The following CELF2 variants were observed in gnomAD, a reference collection of about 807,000 sequenced individuals.
The protein encoded by CELF2 is CUG triplet repeat RNA-binding protein 2.
In CELF2, 8 loss-of-function variants were observed where a neutral mutation model predicts 62.6. That is an observed-to-expected ratio of 0.13 (90% CI 0.07 to 0.23). The LOEUF (loss-of-function observed/expected upper bound fraction) is 0.23. CELF2 is among the 10% of genes least tolerant of loss of function. CELF2 has a pLI of 1.00. For synonymous variants in CELF2, 258 were observed against 250.0 expected, an observed-to-expected ratio of 1.03 and a Z score of -0.30; for missense variants, 333 against 671.0, an observed-to-expected ratio of 0.50 and a Z score of 5.56.
rs1200262195 is a variant in CELF2 at position 11,220,378 on chromosome 10, G to A, written c.354+2871G>A. Among the ~76,000 whole-genome samples the A allele has an allele frequency of 6.6e-6, 1 of 152,176 alleles. No individual in the cohort carries two copies. The highest frequency in any genetic ancestry group is 1.9e-4 in the East Asian group (1 of 5,196). On this transcript the variant is annotated intron_variant, in intron 3 of 12. Transcript: ENST00000633077. This position sits in a 1 kb window ranked among gnomAD's most constrained non-coding sequence, Gnocchi z 4.4. ...TTTCTTGAGGGACACAAAGAACTTGGTTAGTTAGGAAGCAGAAACAAGTTG... is the reference window on the plus strand; with the variant it reads ...TTTCTTGAGGGACACAAAGAACTTGATTAGTTAGGAAGCAGAAACAAGTTG...
chr10:10,854,062 A>T (rs1283574365), intron 1 of CELF2, among the ~76,000 whole-genome samples: 2 of 152,248 alleles, frequency 1.3e-5, no homozygotes, highest in African/African-American at 4.8e-5. Flanking sequence ...GAGTCCATTT[A>T]AAATGCACAT....
chr10:10,760,027 C>A, the CELF2 span, among the ~76,000 whole-genome samples: 3 of 152,214 alleles, frequency 2.0e-5, no homozygotes, highest in Non-Finnish European at 4.4e-5. Context: ...GCCTCACCCT[C>A]CTGCGTAGCT....
the CELF2 span, among the ~76,000 whole-genome samples, chr10:10,773,123 A>T: frequency 6.6e-6 from 1 of 152,202 alleles, no homozygotes; most frequent in Non-Finnish European, 1.5e-5. Flanking sequence ...TTATATAGGA[A>T]ATCTCTTTAA....
At chr10:10,641,503 G>C in the CELF2 span, among the ~76,000 whole-genome samples, 8 of 151,882 alleles carry the variant, frequency 5.3e-5, no homozygotes, top group Non-Finnish European at 1.2e-4. Flanking sequence ...TGCAATGGTG[G>C]GGTCTCTGCT....
chr10:11,080,077 C>T (rs906287902), intron 1 of CELF2, among the ~76,000 whole-genome samples: 1 of 152,180 alleles, frequency 6.6e-6, no homozygotes, highest in Non-Finnish European at 1.5e-5. Context: ...GAGGAAAGAG[C>T]TTTGCACTTG....
At chr10:10,856,474 C>T (rs1348450357) in intron 1 of CELF2, among the ~76,000 whole-genome samples, 1 of 152,104 alleles carries the variant, frequency 6.6e-6, no homozygotes, top group South Asian at 2.1e-4. Context: ...AAAATGACTG[C>T]ATTTTGGCTA....
intron 1 of CELF2, among the ~76,000 whole-genome samples, chr10:11,006,396 G>A (rs569615810): frequency 2.6e-5 from 4 of 152,202 alleles, no homozygotes; most frequent in East Asian, 1.9e-4. Flanking sequence ...GCATTCTGCC[G>A]CTATGTTGGT....
At position 11,242,380 on chromosome 10, in the gene CELF2, A is replaced by T. The variant is rs2074216185; in HGVS notation, c.355-6773A>T. On this transcript the variant is annotated intron_variant, in intron 3 of 12. Transcript: ENST00000633077. This position sits in a 1 kb window ranked among gnomAD's most constrained non-coding sequence, Gnocchi z 4.8. ...CCCGCAGCTGCTTCCTTCCCCCAGG[A>T]CTCTGTCTCCAGACTAGGCCTGTGT... Among the ~76,000 whole-genome samples, 1 of 151,794 alleles carries T rather than the reference A, an allele frequency of 6.6e-6. No individual in the cohort carries two copies. Among genetic ancestry groups the T allele is most frequent in the Non-Finnish European group, 1.5e-5 (1 of 67,936 alleles).
chr10:10,868,722 T>G (rs2060538513), intron 1 of CELF2, among the ~76,000 whole-genome samples: 1 of 152,248 alleles, frequency 6.6e-6, no homozygotes, highest in Non-Finnish European at 1.5e-5. Flanking sequence ...GAGCATGTTC[T>G]TATCACTATG....
intron 2 of CELF2, among the ~76,000 whole-genome samples, chr10:10,973,544 G>C (rs1352314961): frequency 6.6e-6 from 1 of 152,142 alleles, no homozygotes; most frequent in Non-Finnish European, 1.5e-5. Flanking sequence ...CCAGTTGCCA[G>C]CTCTTTAAAG....
intron 1 of CELF2, among the ~76,000 whole-genome samples, chr10:10,886,562 G>A (rs139968368): frequency 6.6e-6 from 1 of 152,188 alleles, no homozygotes; most frequent in African/African-American, 2.4e-5. Context: ...ATGAAGCTGG[G>A]CATGGGACTC....
rs568256193 is a variant in CELF2 at position 10,988,557 on chromosome 10, G to A, written c.89+68558G>A. Among the ~76,000 whole-genome samples the A allele has an allele frequency of 2.2e-3, 334 of 152,110 alleles. 1 individual carries two copies. The highest frequency in any genetic ancestry group is 2.7e-3 in the Non-Finnish European group (184 of 67,964). The stretch of plus-strand genomic sequence containing the variant: ...TGAGGGATAACAGACTACATATTAG[G>A]TACAGTGTAGACTGCTTGGATAATG... On this transcript the variant is annotated intron_variant, in intron 2 of 13. Transcript: ENST00000636488.
At chr10:10,695,197 G>A in the CELF2 span, among the ~76,000 whole-genome samples, 2 of 147,408 alleles carry the variant, frequency 1.4e-5, no homozygotes, top group African/African-American at 5.1e-5. Flanking sequence ...TTTAGGGCAG[G>A]CCTGGTGGTG....
chr10:10,565,090 G>A, the CELF2 span, among the ~76,000 whole-genome samples: 1 of 152,214 alleles, frequency 6.6e-6, no homozygotes, highest in Non-Finnish European at 1.5e-5. Flanking sequence ...CAGAGCCCAT[G>A]TTCCTTAATT....
At chr10:11,155,901 G>C (rs1322341435) in intron 1 of CELF2, among the ~76,000 whole-genome samples, 2 of 152,138 alleles carry the variant, frequency 1.3e-5, no homozygotes, top group Non-Finnish European at 1.5e-5. Flanking sequence ...GACTGAGAAA[G>C]GTAGCCCAAA....
intron 1 of CELF2, among the ~76,000 whole-genome samples, chr10:10,854,270 C>T (rs939081415): frequency 6.6e-6 from 1 of 152,114 alleles, no homozygotes; most frequent in Non-Finnish European, 1.5e-5. Flanking sequence ...ACCTAAGGAA[C>T]AATTTGGGGG....
chr10:10,530,566 C>G, the CELF2 span, among the ~76,000 whole-genome samples: 1 of 152,184 alleles, frequency 6.6e-6, no homozygotes, highest in Non-Finnish European at 1.5e-5. Context: ...TGGAGTTGCT[C>G]TGGTTTGAAT....
chr10:11,034,041 T>A (rs926304731), intron 1 of CELF2, among the ~76,000 whole-genome samples: 1 of 152,226 alleles, frequency 6.6e-6, no homozygotes, highest in Non-Finnish European at 1.5e-5. Flanking sequence ...TCTCATATAA[T>A]GTGCTAGGTG....
Position 11,263,094 on chromosome 10 carries a change from T to C in CELF2, c.539-3504T>C, listed in dbSNP as rs572648283. 2.6e-5 allele frequency among the ~76,000 whole-genome samples: 4 copies of C among 152,170 alleles called. No homozygotes were observed. The East Asian group carries it at 7.7e-4, about 29-fold the overall frequency. ...AATAGGTGTGTTCCAAAATCTTCTC[T>C]GTGACAGGGCTACGTGCTTTCCTTA... On this transcript the variant is annotated intron_variant, in intron 5 of 12. Coordinates refer to ENST00000633077, the MANE Select transcript of CELF2 (RefSeq NM_001326342.2).
Sources: gnomAD v4.1 joint callset for allele counts (sites outside exome capture counted in the v4.1 genomes callset) on GRCh38, gnomAD v4.1.1 for gene constraint, Gnocchi (gnomAD v3.1) non-coding constraint, MANE v1.5 for transcripts, NCBI Gene and HGNC (gene_info 2026-07-23, HGNC 2026-07-21) for gene names.